Variants in TRAPPC6B observed in about 807,000 individuals in gnomAD.
TRAPPC6B encodes trafficking protein particle complex subunit 6B.
Under a neutral mutation model 24.7 loss-of-function variants are expected in TRAPPC6B, and 27 were observed. That is an observed-to-expected ratio of 1.09 (90% CI 0.81 to 1.51). The LOEUF is 1.51. Ranked by LOEUF, TRAPPC6B falls within the 40% of genes most tolerant of loss-of-function variation. The pLI, the probability that TRAPPC6B is intolerant of heterozygous loss-of-function variation, is 0.00. For synonymous variants in TRAPPC6B, 80 were observed against 66.6 expected (o/e 1.20, Z -0.98); for missense variants, 212 against 190.8 (o/e 1.11, Z -0.66).
At chr14:39,150,885 C>T (rs1348417798) in intron 5 of TRAPPC6B, among the ~76,000 whole-genome samples, 4 of 152,064 alleles carry the variant, frequency 2.6e-5, no homozygotes, top group Non-Finnish European at 5.9e-5. Flanking sequence ...TGAGTAAGCA[C>T]TTTTGTTTCT....
intron 3 of TRAPPC6B, among the ~76,000 whole-genome samples, chr14:39,154,755 T>C (rs1456791532): frequency 1.3e-5 from 2 of 152,072 alleles, no homozygotes; most frequent in Non-Finnish European, 2.9e-5. Context: ...AGTTTTGCAA[T>C]GTTCAAGCTG....
intron 3 of TRAPPC6B, chr14:39,157,123 AAAAGAAAG>A: frequency 7.8e-6 from 1 of 129,006 alleles, no homozygotes. Flanking sequence ...AAAAAAAAAA[AAAAGAAAG>A]AAAGAAAGTG....
At chr14:39,160,135 T>C (rs1281378474) in intron 1 of TRAPPC6B, among the ~76,000 whole-genome samples, 2 of 151,662 alleles carry the variant, frequency 1.3e-5, no homozygotes, top group African/African-American at 2.4e-5. Context: ...GACAGAAAGA[T>C]ACATTTTAAA....
intron 1 of TRAPPC6B, 64 bp downstream of exon 1, chr14:39,169,951 A>G: frequency 1.9e-6 from 3 of 1,540,284 alleles, no homozygotes; most frequent in Non-Finnish European, 1.8e-6. Context: ...GTTGAAGGAA[A>G]GCACTGAGGG....
chr14:39,163,334 G>A (rs1034459459), intron 1 of TRAPPC6B, among the ~76,000 whole-genome samples: 3 of 145,538 alleles, frequency 2.1e-5, no homozygotes, highest in African/African-American at 8.0e-5. Context: ...TCATGCCACT[G>A]CACTCCAGTC....
chr14:39,158,383 T>C lies in TRAPPC6B; in HGVS notation c.169A>G (p.Arg57Gly). ...LIERFTKDTA[R>G]FKDELDIMKF... The stretch of plus-strand genomic sequence containing the variant: ...ATGATATCTAACTCATCCTTGAACC[T>C]TGCAGTATCTTTTGTAAACCTAAAA... The change falls in exon 3 of 6, where the codon AGG becomes GGG. Residue 57 changes from arginine to glycine, a missense_variant. Coordinates refer to ENST00000330149, the MANE Select transcript of TRAPPC6B (RefSeq NM_001079537.2). 6.3e-7 allele frequency: 1 copy of C among 1,592,026 alleles called. No homozygotes were observed. The highest frequency in any genetic ancestry group is 1.2e-5 in the South Asian group (1 of 86,458).
chr14:39,157,438 G>C (rs1672590230), intron 3 of TRAPPC6B: 1 of 336,936 alleles, frequency 3.0e-6, no homozygotes, highest in Non-Finnish European at 5.7e-6. Flanking sequence ...AGGCAAAGGG[G>C]ATGTCCCCAC....
rs1397315178 is a variant in TRAPPC6B, at chr14:39,149,510, C to T, written c.*840G>A. On this transcript the variant is annotated 3_prime_UTR_variant, in exon 6 of 6. Transcript: ENST00000330149. ...TCAGATGAGCACTGACCCCAAACCA[C>T]TAAGATGATATGGTCCAAAGAATGT... 6.6e-6 allele frequency: 1 copy of T among 152,174 alleles called. No homozygotes were observed. Among genetic ancestry groups the T allele is most frequent in the East Asian group, 1.9e-4 (1 of 5,198 alleles). The allele number at this position is 152,174 out of a possible 1,614,324, so 9.4% of individuals were successfully genotyped here. A position where few individuals can be genotyped will look rare whatever the true frequency, so the allele number is the denominator to read the frequency against.
At chr14:39,153,310 C>A (rs1164692239) in intron 4 of TRAPPC6B, among the ~76,000 whole-genome samples, 1 of 151,144 alleles carries the variant, frequency 6.6e-6, no homozygotes, top group Non-Finnish European at 1.5e-5. Context: ...GTAATTAGAG[C>A]CTGGATACCC....
rs753264525 is a variant in TRAPPC6B at position 39,150,374 on chromosome 14, A to G, written c.453T>C (p.Phe151=). ...AEVSSMPACK[F]QVMIQKL ...TCTACAGCTTCTGTATCATCACCTG[A>G]AATTTGCCTAAAAAAAAAAATACAA... is the stretch of plus-strand genomic sequence containing the variant. Residue 151 remains phenylalanine, a synonymous_variant, in exon 6 of 6, where the codon TTT becomes TTC. Coordinates refer to ENST00000330149, the MANE Select transcript of TRAPPC6B (RefSeq NM_001079537.2). The G allele has an allele frequency of 4.4e-6, 7 of 1,580,684 alleles. No individual in the cohort carries two copies. In the East Asian group the frequency reaches 1.6e-4, roughly 35 times the overall value.
intron 1 of TRAPPC6B, among the ~76,000 whole-genome samples, chr14:39,168,215 TAAAA>T (rs5808024): frequency 3.2e-5 from 4 of 124,894 alleles, no homozygotes; most frequent in African/African-American, 1.2e-4. Context: ...AAACTCCATC[TAAAA>T]AAAAAAAAAA....
intron 1 of TRAPPC6B, among the ~76,000 whole-genome samples, chr14:39,161,680 A>G (rs2053060978): frequency 6.6e-6 from 1 of 152,192 alleles, no homozygotes; most frequent in Non-Finnish European, 1.5e-5. Context: ...CTTACCGTAG[A>G]TGGCACACAA....
chr14:39,157,228 T>C (rs972980781), intron 3 of TRAPPC6B: 1 of 348,262 alleles, frequency 2.9e-6, no homozygotes, highest in Non-Finnish European at 5.5e-6. Context: ...CTTTGTGAAA[T>C]GGCCCCGCTA....
intron 1 of TRAPPC6B, 28 bp downstream of exon 1, chr14:39,169,987 G>T (rs2053150722): frequency 3.1e-6 from 5 of 1,610,118 alleles, no homozygotes; most frequent in Non-Finnish European, 3.4e-6. Context: ...ACCGCAAAAG[G>T]ACCTCAAGGT....
intron 1 of TRAPPC6B, among the ~76,000 whole-genome samples, chr14:39,164,568 T>C (rs1457544201): frequency 6.6e-6 from 1 of 152,078 alleles, no homozygotes; most frequent in Non-Finnish European, 1.5e-5. Flanking sequence ...CCAGGCCTGA[T>C]GTAGTGACTC....
In TRAPPC6B at chr14:39,170,182, G is replaced by A; in HGVS notation, c.-87C>T. 7.4e-7 allele frequency: 1 copy of A among 1,354,714 alleles called. No homozygotes were observed. The highest frequency in any genetic ancestry group is 1.0e-6 in the Non-Finnish European group (1 of 961,230). 83.9% of individuals were successfully genotyped at this position (1,354,714 alleles called of 1,614,324 possible). ...AGCTCGCGCCTCAGCGACTTCGCCG[G>A]CGCCGCGGCTCCGTCAGGCCGCCAT... is the stretch of plus-strand genomic sequence containing the variant. On this transcript the variant is annotated 5_prime_UTR_variant, in exon 1 of 6. Transcript: ENST00000330149.
chr14:39,156,178 T>G (rs79139912), intron 3 of TRAPPC6B, among the ~76,000 whole-genome samples: 4,555 of 152,144 alleles, frequency 0.03, 231 homozygotes, highest in African/African-American at 0.1. Context: ...AATTCCAAGC[T>G]AAAGTTGGTA....
intron 1 of TRAPPC6B, among the ~76,000 whole-genome samples, chr14:39,159,879 G>A (rs1320996307): frequency 1.3e-5 from 2 of 152,098 alleles, no homozygotes; most frequent in Admixed American, 1.3e-4. Context: ...CTGCAGTACA[G>A]TGGGGCCATC....
intron 1 of TRAPPC6B, among the ~76,000 whole-genome samples, chr14:39,161,897 C>A (rs183612061): frequency 4.6e-5 from 7 of 152,266 alleles, no homozygotes; most frequent in Admixed American, 2.6e-4. Context: ...CTAGAAGTGC[C>A]ACAGTCCCAG....
Sources: allele counts gnomAD v4.1 joint callset (sites outside exome capture counted in the v4.1 genomes callset), GRCh38; gene constraint gnomAD v4.1.1; transcripts MANE v1.5; gene names NCBI Gene and HGNC (gene_info 2026-07-23, HGNC 2026-07-21).